Variants in PTPRQ observed in about 807,000 individuals in gnomAD.
The protein encoded by PTPRQ is phosphatidylinositol phosphatase PTPRQ.
Under a neutral mutation model 246.0 loss-of-function variants are expected in PTPRQ, and 199 were observed. The ratio of observed to expected loss-of-function variants is 0.81; its 90% confidence interval spans 0.72 to 0.91. The LOEUF is 0.91. Among genes scored for constraint, PTPRQ ranks in the 40% least tolerant of loss-of-function variants. The pLI, the probability that PTPRQ is intolerant of heterozygous loss-of-function variation, is 0.00. For missense variants in PTPRQ, 2,624 were observed against 2,528.4 expected (o/e 1.04, Z -0.81); for synonymous variants, 869 against 853.2 (o/e 1.02, Z -0.32).
At chr12:80,604,031 T>C (rs1475027468) in intron 26 of PTPRQ, among the ~76,000 whole-genome samples, 1 of 151,606 alleles carries the variant, frequency 6.6e-6, no homozygotes, top group Non-Finnish European at 1.5e-5. Context: ...AACATTTTGG[T>C]GTTTCACCAA....
chr12:80,512,089 G>T (rs1209162579), intron 17 of PTPRQ, among the ~76,000 whole-genome samples: 1 of 152,132 alleles, frequency 6.6e-6, no homozygotes, highest in Non-Finnish European at 1.5e-5. Flanking sequence ...TGATGGATTG[G>T]CTGTGCAGAT....
intron 7 of PTPRQ, among the ~76,000 whole-genome samples, chr12:80,471,267 A>C (rs1186529943): frequency 6.6e-6 from 1 of 152,052 alleles, no homozygotes; most frequent in Non-Finnish European, 1.5e-5. Flanking sequence ...ACAGACTGCC[A>C]CCATTTGGGG....
intron 25 of PTPRQ, among the ~76,000 whole-genome samples, chr12:80,565,570 C>A (rs1209903494): frequency 1.3e-5 from 2 of 152,086 alleles, no homozygotes; most frequent in Non-Finnish European, 2.9e-5. Context: ...CCTCTTCTTT[C>A]TTTCTGGTAA....
At chr12:80,523,807 G>A (rs560464283) in intron 17 of PTPRQ, among the ~76,000 whole-genome samples, 90 of 152,280 alleles carry the variant, frequency 5.9e-4, no homozygotes, top group Non-Finnish European at 1.2e-3. Context: ...TTTTGGAATA[G>A]GTGTGGTGTT....
At chr12:80,480,080 GCACCA>G (rs577907348) in intron 8 of PTPRQ, among the ~76,000 whole-genome samples, 9,980 of 151,902 alleles carry the variant, frequency 0.066, 828 homozygotes, top group African/African-American at 0.19. Context: ...ATTTTTTTCA[GCACCA>G]CACCACACCT....
chr12:80,647,416 T>C (rs1900111206), intron 35 of PTPRQ, among the ~76,000 whole-genome samples: 2 of 152,294 alleles, frequency 1.3e-5, no homozygotes, highest in South Asian at 4.1e-4. Flanking sequence ...CTTTCCTATT[T>C]CTGAAGAACA....
chr12:80,677,536 C>T (rs1392152411), intron 43 of PTPRQ, among the ~76,000 whole-genome samples: 1 of 152,178 alleles, frequency 6.6e-6, no homozygotes, highest in African/African-American at 2.4e-5. Context: ...TATACAACTA[C>T]TATGTGCCCG....
chr12:80,585,243 C>CTTTT (rs1897572883), intron 25 of PTPRQ, among the ~76,000 whole-genome samples: 2 of 152,206 alleles, frequency 1.3e-5, no homozygotes, highest in South Asian at 4.1e-4. Context: ...GTGACTTCAT[C>CTTTT]TTTTTATTTG....
chr12:80,614,275 C>T (rs990170206), intron 29 of PTPRQ, among the ~76,000 whole-genome samples: 1 of 150,736 alleles, frequency 6.6e-6, no homozygotes, highest in Admixed American at 6.6e-5. Context: ...AAGCTAATAG[C>T]ATTTTATGTC....
At position 80,499,918 on chromosome 12, in the gene PTPRQ, C is replaced by T. The variant is rs74922651; in HGVS notation, c.2272+3387C>T. On this transcript the variant is annotated intron_variant, in intron 14 of 44. Coordinates refer to ENST00000644991, the MANE Select transcript of PTPRQ (RefSeq NM_001145026.2). ...CTTTGAGAAGTTCCCATACAAATTA[C>T]TCTTTTGATGATCTATACATATTCC... Among the ~76,000 whole-genome samples, 884 of 151,940 alleles carry T rather than the reference C, an allele frequency of 5.8e-3. 10 individuals carry two copies. Among genetic ancestry groups the T allele is most frequent in the African/African-American group, 0.021 (858 of 41,486 alleles).
rs151189668 is a variant in PTPRQ, at chr12:80,511,186, G to A, written c.2678+743G>A. 7.1e-3 allele frequency among the ~76,000 whole-genome samples: 1,081 copies of A among 152,190 alleles called. 13 individuals are homozygous for A. Among genetic ancestry groups the A allele is most frequent in the African/African-American group, 0.025 (1,041 of 41,526 alleles). On this transcript the variant is annotated intron_variant, in intron 17 of 44. Coordinates refer to ENST00000644991, the MANE Select transcript of PTPRQ (RefSeq NM_001145026.2). ...TGAATTTGAAGGGCCAGCATTGAGG[G>A]AGATGCCATGATGTTTTAAAGAAGT...
At chr12:80,623,717 ATGT>A (rs1276319620) in intron 33 of PTPRQ, among the ~76,000 whole-genome samples, 2 of 152,160 alleles carry the variant, frequency 1.3e-5, no homozygotes, top group Non-Finnish European at 2.9e-5. Flanking sequence ...GTATTGTATG[ATGT>A]TGTCTTTCAT....
chr12:80,587,518 C>T (rs185184904), intron 25 of PTPRQ, among the ~76,000 whole-genome samples: 2 of 152,220 alleles, frequency 1.3e-5, no homozygotes, highest in South Asian at 2.1e-4. Context: ...GAGCCTGACA[C>T]ATGGTATGCA....
At chr12:80,634,291 C>T (rs1899557342) in intron 34 of PTPRQ, among the ~76,000 whole-genome samples, 1 of 152,100 alleles carries the variant, frequency 6.6e-6, no homozygotes, top group Non-Finnish European at 1.5e-5. Context: ...AATAGCTAAA[C>T]ATTACTTTGT....
chr12:80,457,461 A>G (rs575602265), intron 3 of PTPRQ, 114 bp from the exon 4 acceptor site: 9 of 398,000 alleles, frequency 2.3e-5, no homozygotes, highest in African/African-American at 1.6e-4. Context: ...GAGAGTATTA[A>G]AAAAGTATCT....
At chr12:80,627,280 T>TAGCA (rs1899237124) in intron 33 of PTPRQ, among the ~76,000 whole-genome samples, 1 of 151,146 alleles carries the variant, frequency 6.6e-6, no homozygotes, top group Non-Finnish European at 1.5e-5. Context: ...CCTAGGTGAC[T>TAGCA]AGCACTGGGC....
chr12:80,520,605 G>C (rs1895448337), intron 17 of PTPRQ, among the ~76,000 whole-genome samples: 2 of 147,420 alleles, frequency 1.4e-5, no homozygotes, highest in South Asian at 2.1e-4. Flanking sequence ...GTGAGAACAT[G>C]CGGTGTTTGG....
intron 36 of PTPRQ, among the ~76,000 whole-genome samples, chr12:80,649,368 A>G (rs1662056031): frequency 6.6e-6 from 1 of 152,132 alleles, no homozygotes; most frequent in South Asian, 2.1e-4. Flanking sequence ...ATGTCACTAA[A>G]AAATTGAAGG....
chr12:80,641,932 T>G (rs1206748291), intron 35 of PTPRQ, among the ~76,000 whole-genome samples: 1 of 151,722 alleles, frequency 6.6e-6, no homozygotes, highest in Non-Finnish European at 1.5e-5. Flanking sequence ...TCCCTCTCTC[T>G]CTATTTTCTT....
Sources: allele counts gnomAD v4.1 joint callset (sites outside exome capture counted in the v4.1 genomes callset), GRCh38; gene constraint gnomAD v4.1.1; transcripts MANE v1.5; gene names NCBI Gene and HGNC (gene_info 2026-07-23, HGNC 2026-07-21).